TOGARAM2: variants seen among roughly 807,000 people sequenced by gnomAD.
TOGARAM2 encodes TOG array regulator of axonemal microtubules 2, also known as TOG array regulator of axonemal microtubules protein 2.
A neutral mutation model predicts 93.3 loss-of-function variants in TOGARAM2; 85 were observed. The ratio of observed to expected loss-of-function variants is 0.91; its 90% CI spans 0.76 to 1.09. The LOEUF (loss-of-function observed/expected upper bound fraction) is 1.09, where lower values mean the gene tolerates loss of function less well. TOGARAM2 is among the 50% of genes least tolerant of loss of function. The probability of loss-of-function intolerance (pLI) is 0.00; values close to 1 mark genes in which losing one functional copy is unlikely to be tolerated. For missense variants in TOGARAM2, 1,277 were observed against 1,334.5 expected, an observed-to-expected ratio of 0.96 and a Z score of 0.67; for synonymous variants, 593 against 552.8, an observed-to-expected ratio of 1.07 and a Z score of -1.02.
chr2:29,008,258 C>A (rs1185836351), intron 6 of TOGARAM2, among the ~76,000 whole-genome samples: 1 of 151,172 alleles, frequency 6.6e-6, no homozygotes, highest in Non-Finnish European at 1.5e-5. Context: ...TCAAGCAATT[C>A]TTCTGTCGCA....
At chr2:28,960,569 T>C (rs1671789039) in intron 1 of TOGARAM2, among the ~76,000 whole-genome samples, 1 of 152,158 alleles carries the variant, frequency 6.6e-6, no homozygotes, top group South Asian at 2.1e-4. Context: ...CCCCCTTAGT[T>C]TTATCTGTAA....
chr2:29,013,081 C>T (rs1029917079), intron 7 of TOGARAM2, among the ~76,000 whole-genome samples: 1 of 152,246 alleles, frequency 6.6e-6, no homozygotes, highest in Non-Finnish European at 1.5e-5. Flanking sequence ...GGCCCCATCT[C>T]AGCAGACCCC....
chr2:29,009,042 C>T (rs1171367291), intron 6 of TOGARAM2, among the ~76,000 whole-genome samples: 2 of 152,208 alleles, frequency 1.3e-5, no homozygotes, highest in Non-Finnish European at 1.5e-5. Context: ...CTACTATGTG[C>T]CAGGTGCATA....
At chr2:29,033,302 T>A in intron 15 of TOGARAM2, 167 bp from the exon 16 acceptor site, 1 of 718,950 alleles carries the variant, frequency 1.4e-6, no homozygotes, top group Non-Finnish European at 2.3e-6. Context: ...CCAGGGATCT[T>A]GATCTCTGCC....
chr2:28,956,605 T>C (rs1483795262), upstream of TOGARAM2: 2 of 152,318 alleles, frequency 1.3e-5, no homozygotes, highest in Admixed American at 6.5e-5. This position sits in a 1 kb window ranked among gnomAD's most constrained non-coding sequence, Gnocchi z 4.5. Context: ...CCCTGATCGA[T>C]AGATGCTTGG....
intron 6 of TOGARAM2, among the ~76,000 whole-genome samples, chr2:29,010,736 A>T (rs1664194873): frequency 6.6e-6 from 1 of 151,860 alleles, no homozygotes; most frequent in Non-Finnish European, 1.5e-5. Context: ...GAGGGCGGGG[A>T]GTGTCATGTC....
chr2:29,035,450 C>G lies in TOGARAM2; in HGVS notation c.2226-14C>G. 1 of 1,353,504 alleles carries G rather than the reference C, an allele frequency of 7.4e-7. No homozygotes were observed. The highest frequency in any genetic ancestry group is 9.6e-7 in the Non-Finnish European group (1 of 1,041,328). 83.8% of individuals were successfully genotyped at this position (1,353,504 alleles called of 1,614,324 possible). ...TCTTCCCTGGGGGGTTCAGACGCCA[C>G]GCTCCTTACCTAGGCTCAGCTGCAA... On this transcript the variant is annotated splice_polypyrimidine_tract_variant and intron_variant, in intron 16 of 19. Coordinates refer to ENST00000379558, the MANE Select transcript of TOGARAM2 (RefSeq NM_199280.4).
rs1218295410 is a variant in TOGARAM2, at chr2:29,002,529, T to C, written c.428-7T>C. On this transcript the variant is annotated splice_polypyrimidine_tract_variant and splice_region_variant and intron_variant, in intron 4 of 19. Coordinates refer to ENST00000379558, the MANE Select transcript of TOGARAM2 (RefSeq NM_199280.4). ...CTAACTGATTTCCCATCCCCATCCC[T>C]GTACAGCCTCTCTGGATCCAGGGGG... The C allele has an allele frequency of 1.9e-6, 3 of 1,612,152 alleles. No homozygotes were observed. The highest frequency in any genetic ancestry group is 2.2e-5 in the South Asian group (2 of 90,914).
upstream of TOGARAM2, among the ~76,000 whole-genome samples, chr2:28,976,302 C>T (rs183049259): frequency 1.2e-3 from 184 of 152,242 alleles, 2 homozygotes; most frequent in African/African-American, 4.0e-3. Flanking sequence ...ACCTGGAAGG[C>T]GGAGCTTGCA....
chr2:29,045,735 T>C (rs1666705867), intron 19 of TOGARAM2: 1 of 341,024 alleles, frequency 2.9e-6, no homozygotes, highest in South Asian at 2.8e-5. Context: ...TAAAAGAAAA[T>C]GTACATTGGG....
chr2:29,032,909 T>C lies in TOGARAM2; in HGVS notation c.2013-25T>C, dbSNP rs760182423. The C allele has an allele frequency of 1.9e-6, 3 of 1,594,438 alleles. No individual in the cohort carries two copies. In the African/African-American group the frequency reaches 4.0e-5, roughly 21 times the overall value. ...TTTTGCATTTCAGAGGCTGTTTCTT[T>C]ATCTTGCTCTCTCTCCTGTGGCAGA... is the stretch of plus-strand genomic sequence containing the variant. On this transcript the variant is annotated intron_variant, in intron 14 of 19. Transcript: ENST00000379558.
intron 19 of TOGARAM2, chr2:29,048,732 G>T (rs570681535): frequency 6.9e-6 from 1 of 145,974 alleles, no homozygotes; most frequent in East Asian, 2.0e-4. Flanking sequence ...AGGCTGGAGT[G>T]CAGTGATGAG....
chr2:29,006,775 C>CACTG (rs539580796), intron 6 of TOGARAM2, among the ~76,000 whole-genome samples: 261 of 152,246 alleles, frequency 1.7e-3, no homozygotes, highest in Middle Eastern at 0.017. Flanking sequence ...CCTCCTCAGA[C>CACTG]AGCAGCTTGC....
chr2:28,973,445 T>TCCTTCCCTTCC (rs1671980778), intron 1 of TOGARAM2, among the ~76,000 whole-genome samples: 2 of 123,874 alleles, frequency 1.6e-5, no homozygotes, highest in Non-Finnish European at 3.2e-5. Context: ...CCCTTCCCCT[T>TCCTTCCCTTCC]CCTTCCTTCC....
In TOGARAM2 at chr2:29,014,643, T is replaced by A. The variant is rs1664447685; in HGVS notation, c.1044+82T>A. ...GAAGGCAAGCAAGTGTCTGAAGTAT[T>A]CAAGAGTGGGACCAGCCACAGAGCA... On this transcript the variant is annotated intron_variant, in intron 8 of 19. Coordinates refer to ENST00000379558, the MANE Select transcript of TOGARAM2 (RefSeq NM_199280.4). 22 of 1,491,568 alleles carry A rather than the reference T, an allele frequency of 1.5e-5. No homozygotes were observed. The South Asian group carries it at 2.6e-4, about 18-fold the overall frequency. 92.4% of individuals were successfully genotyped at this position (1,491,568 alleles called of 1,614,324 possible).
chr2:29,011,548 A>G (rs779983739), intron 7 of TOGARAM2, 47 bp downstream of exon 7: 1 of 1,547,184 alleles, frequency 6.5e-7, no homozygotes, highest in Non-Finnish European at 8.7e-7. Flanking sequence ...GACTCTCTAC[A>G]TTCCTGGGCT....
In TOGARAM2 at chr2:29,024,120, CCT is replaced by C; in HGVS notation, c.1618-13_1618-12del. 4 of 1,553,248 alleles carry C rather than the reference CCT, an allele frequency of 2.6e-6. No homozygotes were observed. The highest frequency in any genetic ancestry group is 3.5e-6 in the Non-Finnish European group (4 of 1,147,106). ...TGGCAGGGTCCAGCACCCTGGAGGG[CCT>C]CTCTCCTCTCTCCAAGGTCACCAAC... On this transcript the variant is annotated splice_polypyrimidine_tract_variant and intron_variant, in intron 12 of 19. Transcript: ENST00000379558.
At chr2:28,998,783 T>C (rs747831457) in intron 3 of TOGARAM2, among the ~76,000 whole-genome samples, 3 of 152,168 alleles carry the variant, frequency 2.0e-5, no homozygotes, top group Non-Finnish European at 4.4e-5. Context: ...TGATTTGCTC[T>C]GAGATGCCTG....
Position 29,052,103 on chromosome 2 carries a change from T to C in TOGARAM2, c.*10T>C. 6.5e-7 allele frequency: 1 copy of C among 1,535,206 alleles called. No homozygotes were observed. The highest frequency in any genetic ancestry group is 8.8e-7 in the Non-Finnish European group (1 of 1,140,578). On this transcript the variant is annotated 3_prime_UTR_variant, in exon 20 of 20. Coordinates refer to ENST00000379558, the MANE Select transcript of TOGARAM2 (RefSeq NM_199280.4). Reference sequence around the variant, plus strand: ...TTTTCAGCTGGATTAAAGATGGATCTGAAATGGGCAATTATTATTTATCTT... The same window carrying C: ...TTTTCAGCTGGATTAAAGATGGATCCGAAATGGGCAATTATTATTTATCTT...
Sources: allele counts gnomAD v4.1 joint callset (sites outside exome capture counted in the v4.1 genomes callset), GRCh38; gene constraint gnomAD v4.1.1; non-coding constraint Gnocchi (gnomAD v3.1); transcripts MANE v1.5; gene names NCBI Gene and HGNC (gene_info 2026-07-23, HGNC 2026-07-21).